The following UTRN variants were observed in gnomAD, a reference collection of about 807,000 sequenced individuals.
UTRN encodes utrophin.
UTRN carries 283 observed loss-of-function variants against 463.9 expected under a neutral mutation model. The observed-to-expected ratio is 0.61, with a 90% CI of 0.55 to 0.67. UTRN has a LOEUF of 0.67. Among genes scored for constraint, UTRN ranks in the 30% least tolerant of loss-of-function variants. The pLI, the probability that UTRN is intolerant of heterozygous loss-of-function variation, is 0.00. For missense variants in UTRN, 3,922 were observed against 4,084.3 expected (o/e 0.96, Z 1.08); for synonymous variants, 1,442 against 1,431.5 (o/e 1.01, Z -0.17).
chr6:144,349,408 T>C (rs1777912345), intron 2 of UTRN, among the ~76,000 whole-genome samples: 3 of 152,294 alleles, frequency 2.0e-5, no homozygotes, highest in Non-Finnish European at 2.9e-5. Context: ...AGAAGGGGAC[T>C]CCCAACCAGG....
intron 2 of UTRN, among the ~76,000 whole-genome samples, chr6:144,397,117 G>A (rs1178905443): frequency 3.9e-5 from 6 of 152,018 alleles, no homozygotes; most frequent in Admixed American, 2.0e-4. Flanking sequence ...GGTGGCACAC[G>A]CCTATAATCC....
intron 49 of UTRN, among the ~76,000 whole-genome samples, chr6:144,556,858 A>G (rs1297227552): frequency 6.6e-6 from 1 of 152,252 alleles, no homozygotes; most frequent in Non-Finnish European, 1.5e-5. Flanking sequence ...AGAGAGGTAC[A>G]GCAGAAGGAA....
intron 17 of UTRN, 135 bp from the exon 18 acceptor site, chr6:144,451,235 C>A: frequency 1.2e-6 from 1 of 862,300 alleles, no homozygotes; most frequent in East Asian, 2.7e-5. Context: ...CATGGTTACC[C>A]TATTTCTGGG....
chr6:144,736,582 G>A (rs1408195969), intron 54 of UTRN, among the ~76,000 whole-genome samples: 3 of 151,894 alleles, frequency 2.0e-5, no homozygotes, highest in African/African-American at 7.3e-5. Flanking sequence ...CTTATGCTAG[G>A]CCTATTTCAA....
At chr6:144,799,245 G>A (rs1004777724) in intron 64 of UTRN, 2 of 337,322 alleles carry the variant, frequency 5.9e-6, no homozygotes, top group South Asian at 2.4e-5. Context: ...CTCTGTGGAT[G>A]GCTAACATAA....
intron 2 of UTRN, among the ~76,000 whole-genome samples, chr6:144,333,851 T>C (rs1437980034): frequency 1.3e-5 from 2 of 152,236 alleles, no homozygotes; most frequent in South Asian, 4.1e-4. Flanking sequence ...AGAAAATTTT[T>C]TGTTTACCTC....
chr6:144,376,773 A>G (rs1351497184), intron 2 of UTRN, among the ~76,000 whole-genome samples: 1 of 152,244 alleles, frequency 6.6e-6, no homozygotes, highest in Non-Finnish European at 1.5e-5. Context: ...AAATTGCTAT[A>G]GGTGCCTGTG....
chr6:144,533,670 ATGT>A (rs1420814571), intron 43 of UTRN, among the ~76,000 whole-genome samples: 1 of 151,810 alleles, frequency 6.6e-6, no homozygotes, highest in Non-Finnish European at 1.5e-5. Flanking sequence ...TTGGTGTCAA[ATGT>A]TGTGTTCTAT....
rs377193698 is a variant in UTRN, at chr6:144,836,392, C to A, written c.9916C>A (p.His3306Asn). 7 of 1,614,048 alleles carry A rather than the reference C, an allele frequency of 4.3e-6. No individual in the cohort carries two copies. The highest frequency in any genetic ancestry group is 5.9e-6 in the Non-Finnish European group (7 of 1,179,956). The change falls in exon 71 of 75, where the codon CAT becomes AAT. Residue 3306 changes from histidine to asparagine, a missense_variant. Transcript: ENST00000367545. ...ACCGCCAGAGTCGATTATATCTCCC[C>A]ATCACACGTCTGAGGATTCAGAACT... ...GSPPESIISP[H>N]HTSEDSELIA...
chr6:144,465,899 C>T (rs1026770733), intron 23 of UTRN, among the ~76,000 whole-genome samples: 5 of 152,100 alleles, frequency 3.3e-5, no homozygotes, highest in Admixed American at 1.3e-4. Flanking sequence ...ATAGTTAACT[C>T]GTTTATTTTT....
intron 2 of UTRN, among the ~76,000 whole-genome samples, chr6:144,313,281 A>G (rs1162899525): frequency 6.6e-6 from 1 of 151,956 alleles, no homozygotes; most frequent in Admixed American, 6.6e-5. Flanking sequence ...TCTTGCTGCA[A>G]GGGAGGTTGA....
Position 144,335,075 on chromosome 6 carries a change from G to A in UTRN, c.79+43168G>A, listed in dbSNP as rs78220982. On this transcript the variant is annotated intron_variant, in intron 2 of 74. Coordinates refer to ENST00000367545, the MANE Select transcript of UTRN (RefSeq NM_007124.3). ...TCATTGACAACCTCCAGAAAGTTAC[G>A]GTAGTCTAACATTCCTTATTTAAAA... is the stretch of plus-strand genomic sequence containing the variant. 7.8e-3 allele frequency among the ~76,000 whole-genome samples: 1,190 copies of A among 152,256 alleles called. 58 individuals carry two copies. In the East Asian group the frequency reaches 0.14, roughly 18 times the overall value.
At chr6:144,455,207 C>T (rs1368411162) in intron 19 of UTRN, among the ~76,000 whole-genome samples, 1 of 151,880 alleles carries the variant, frequency 6.6e-6, no homozygotes, top group African/African-American at 2.4e-5. Flanking sequence ...TATTATCAAT[C>T]CATTTATTAT....
At chr6:144,624,206 G>A (rs1775714061) in intron 51 of UTRN, among the ~76,000 whole-genome samples, 1 of 152,098 alleles carries the variant, frequency 6.6e-6, no homozygotes, top group South Asian at 2.1e-4. Flanking sequence ...GTAAAATTAG[G>A]TCAGATAATA....
intron 32 of UTRN, among the ~76,000 whole-genome samples, chr6:144,492,145 A>G (rs1370914433): frequency 6.6e-6 from 1 of 152,146 alleles, no homozygotes; most frequent in Non-Finnish European, 1.5e-5. Flanking sequence ...GTAGTACCCA[A>G]TTGGTAGTTT....
intron 65 of UTRN, 106 bp downstream of exon 65, chr6:144,803,253 C>A: frequency 2.9e-6 from 2 of 690,954 alleles, no homozygotes; most frequent in Non-Finnish European, 4.1e-6. Flanking sequence ...AAAAATATCA[C>A]TTTGAAGATT....
At chr6:144,660,810 C>T (rs1383516619) in intron 51 of UTRN, among the ~76,000 whole-genome samples, 1 of 152,180 alleles carries the variant, frequency 6.6e-6, no homozygotes, top group Non-Finnish European at 1.5e-5. Context: ...CTGAGCGTGT[C>T]TGTTTTAAAC....
rs1342457682 is a variant in UTRN, at chr6:144,474,729, C to T, written c.3306C>T (p.Tyr1102=). 1 of 1,613,076 alleles carries T rather than the reference C, an allele frequency of 6.2e-7. No homozygotes were observed. Among genetic ancestry groups the T allele is most frequent in the African/African-American group, 1.3e-5 (1 of 74,874 alleles). ...KTWVQTRLGD[Y]QTQLEKLSKE... The stretch of plus-strand genomic sequence containing the variant: ...GGGTGCAGACAAGACTAGGTGACTA[C>T]CAAACTCAACTGGAGAAACTTAGCA... Residue 1102 remains tyrosine (Y), a synonymous_variant, in exon 25 of 75, where the codon TAC becomes TAT. Coordinates refer to ENST00000367545, the MANE Select transcript of UTRN (RefSeq NM_007124.3).
chr6:144,470,196 G>A (rs1015487821), intron 23 of UTRN, among the ~76,000 whole-genome samples: 3 of 152,262 alleles, frequency 2.0e-5, no homozygotes, highest in East Asian at 1.9e-4. Context: ...ATCATGGCCC[G>A]TTCTCAATGA....
Sources: gnomAD v4.1 joint callset for allele counts (sites outside exome capture counted in the v4.1 genomes callset) on GRCh38, gnomAD v4.1.1 for gene constraint, MANE v1.5 for transcripts, NCBI Gene and HGNC (gene_info 2026-07-23, HGNC 2026-07-21) for gene names.